The following MDGA2 variants were observed in gnomAD, a reference collection of about 807,000 sequenced individuals.
MDGA2 encodes MAM domain containing glycosylphosphatidylinositol anchor 2, also known as MAM domain-containing glycosylphosphatidylinositol anchor protein 2.
MDGA2 carries 40 observed loss-of-function variants against 117.8 expected under a neutral mutation model. That is an observed-to-expected ratio of 0.34 (90% confidence interval 0.26 to 0.44). The LOEUF (loss-of-function observed/expected upper bound fraction) is 0.44. Among genes scored for constraint, MDGA2 ranks in the 20% least tolerant of loss-of-function variants. MDGA2 has a pLI of 1.00. For missense variants in MDGA2, 1,123 were observed against 1,250.6 expected, an observed-to-expected ratio of 0.90 and a Z score of 1.54; for synonymous variants, 452 against 439.0, an observed-to-expected ratio of 1.03 and a Z score of -0.37.
intron 1 of MDGA2, among the ~76,000 whole-genome samples, chr14:47,525,211 G>A (rs894103430): frequency 5.3e-5 from 8 of 152,070 alleles, no homozygotes; most frequent in African/African-American, 7.2e-5. Context: ...TTAAGACTAC[G>A]GTAATTGTCT....
At chr14:47,227,329 G>A (rs1028855602) in intron 2 of MDGA2, among the ~76,000 whole-genome samples, 3 of 152,078 alleles carry the variant, frequency 2.0e-5, no homozygotes, top group South Asian at 2.1e-4. Context: ...CCCTGCTCCC[G>A]TGCCTCTAGA....
chr14:46,896,523 A>C (rs781416793), intron 10 of MDGA2, among the ~76,000 whole-genome samples: 10 of 152,082 alleles, frequency 6.6e-5, no homozygotes, highest in Non-Finnish European at 1.2e-4. Flanking sequence ...AGCAGAGTAA[A>C]CTTTTTATAT....
chr14:47,353,575 G>A (rs540153223), intron 1 of MDGA2, among the ~76,000 whole-genome samples: 12 of 152,246 alleles, frequency 7.9e-5, no homozygotes, highest in African/African-American at 2.9e-4. Flanking sequence ...TTGTACGAAG[G>A]AATCTGAATC....
At chr14:47,398,029 C>G (rs1026815345) in intron 1 of MDGA2, among the ~76,000 whole-genome samples, 1 of 152,072 alleles carries the variant, frequency 6.6e-6, no homozygotes, top group African/African-American at 2.4e-5. Flanking sequence ...AGAATGGAAC[C>G]ATTATTAACC....
rs745890351 is a variant in MDGA2, at chr14:47,590,721, T to C, written c.280+83796A>G. On this transcript the variant is annotated intron_variant, in intron 1 of 16. Coordinates refer to ENST00000399232, the MANE Select transcript of MDGA2 (RefSeq NM_001113498.3). Reference sequence around the variant, plus strand: ...CTTGACATGATGGCTGATGTGATTATTGTACATTGTATGCCTGTATTGAAA... The same window carrying C: ...CTTGACATGATGGCTGATGTGATTACTGTACATTGTATGCCTGTATTGAAA... Among the ~76,000 whole-genome samples, 13 of 152,134 alleles carry C rather than the reference T, an allele frequency of 8.5e-5. No individual in the cohort carries two copies. In the East Asian group the frequency reaches 9.6e-4, roughly 11 times the overall value.
At chr14:47,224,294 T>TAGATATAGATATAGATAC (rs74277173) in intron 2 of MDGA2, among the ~76,000 whole-genome samples, 16,218 of 150,078 alleles carry the variant, frequency 0.11, 1,001 homozygotes, top group Middle Eastern at 0.14. Flanking sequence ...GATATAGATA[T>TAGATATAGATATAGATAC]AGATATAGAT....
intron 1 of MDGA2, among the ~76,000 whole-genome samples, chr14:47,636,380 T>C (rs1017300047): frequency 6.6e-6 from 1 of 152,290 alleles, no homozygotes; most frequent in Admixed American, 6.5e-5. Flanking sequence ...GCAGTTTTTG[T>C]TGGTTTCCAG....
chr14:47,549,486 A>G (rs969852110), intron 1 of MDGA2, among the ~76,000 whole-genome samples: 3 of 151,982 alleles, frequency 2.0e-5, no homozygotes, highest in African/African-American at 7.3e-5. Context: ...ATTCTTTACT[A>G]TCAGACTTTT....
intron 13 of MDGA2, among the ~76,000 whole-genome samples, 169 bp from the exon 14 acceptor site, chr14:46,873,760 C>T (rs1882110647): frequency 6.6e-6 from 1 of 151,598 alleles, no homozygotes. Flanking sequence ...GGCTGTAACA[C>T]AAAGAATAAA....
intron 2 of MDGA2, among the ~76,000 whole-genome samples, chr14:47,242,637 A>G (rs8018768): frequency 0.85 from 129,314 of 151,684 alleles, 55,598 homozygotes; most frequent in East Asian, 0.93. Flanking sequence ...CTGGCCCACC[A>G]GCGCTGCGCT....
At chr14:47,472,735 C>T (rs780750887) in intron 1 of MDGA2, among the ~76,000 whole-genome samples, 33 of 152,176 alleles carry the variant, frequency 2.2e-4, no homozygotes, top group Non-Finnish European at 3.7e-4. Flanking sequence ...ATGCAAGAAG[C>T]TGTGGAGAGG....
intron 2 of MDGA2, among the ~76,000 whole-genome samples, chr14:47,288,936 T>C (rs567231967): frequency 1.3e-5 from 2 of 152,276 alleles, no homozygotes; most frequent in South Asian, 4.1e-4. Flanking sequence ...AGAAAATGGC[T>C]GTGATGAGCG....
At chr14:47,478,424 T>C (rs1480362768) in intron 1 of MDGA2, among the ~76,000 whole-genome samples, 1 of 152,196 alleles carries the variant, frequency 6.6e-6, no homozygotes, top group Non-Finnish European at 1.5e-5. Flanking sequence ...TCACCCAGGC[T>C]GGAGTGCTAT....
At chr14:47,064,539 C>T (rs990826395) in intron 6 of MDGA2, among the ~76,000 whole-genome samples, 31 of 152,112 alleles carry the variant, frequency 2.0e-4, no homozygotes, top group African/African-American at 7.2e-4. Flanking sequence ...AAGAGCATAG[C>T]TCTGTAAACT....
chr14:47,104,999 C>T (rs992358578), intron 5 of MDGA2, among the ~76,000 whole-genome samples: 6 of 152,242 alleles, frequency 3.9e-5, no homozygotes, highest in South Asian at 2.1e-4. Context: ...CCCAAAACTC[C>T]GGCACCGGTC....
chr14:47,270,259 C>T (rs372614198), intron 2 of MDGA2, among the ~76,000 whole-genome samples: 49 of 152,046 alleles, frequency 3.2e-4, no homozygotes, highest in African/African-American at 1.1e-3. Flanking sequence ...TTTTTTCTAC[C>T]TACTTTCCAG....
At chr14:47,525,702 TAAAA>T (rs534336188) in intron 1 of MDGA2, among the ~76,000 whole-genome samples, 1 of 148,566 alleles carries the variant, frequency 6.7e-6, no homozygotes, top group Non-Finnish European at 1.5e-5. Flanking sequence ...AATAAAATAA[TAAAA>T]AAAAAGCTTA....
intron 1 of MDGA2, among the ~76,000 whole-genome samples, chr14:47,326,638 A>G (rs1370929872): frequency 6.6e-6 from 1 of 151,962 alleles, no homozygotes; most frequent in Non-Finnish European, 1.5e-5. Flanking sequence ...CAGTCATTCT[A>G]AAATGCAAGT....
intron 1 of MDGA2, among the ~76,000 whole-genome samples, chr14:47,551,354 C>A (rs559384201): frequency 1.3e-5 from 2 of 152,128 alleles, no homozygotes; most frequent in Non-Finnish European, 2.9e-5. Context: ...GGGATAAACA[C>A]TTTTGCTTTC....
Sources: gnomAD v4.1 joint callset for allele counts (sites outside exome capture counted in the v4.1 genomes callset) on GRCh38, gnomAD v4.1.1 for gene constraint, MANE v1.5 for transcripts, NCBI Gene and HGNC (gene_info 2026-07-23, HGNC 2026-07-21) for gene names.